DCTN6: variants seen among roughly 807,000 people sequenced by gnomAD.
DCTN6 encodes dynactin 6.
DCTN6 carries 15 observed loss-of-function variants against 25.8 expected under a neutral mutation model. The observed-to-expected ratio is 0.58, with a 90% CI of 0.39 to 0.89. The LOEUF (loss-of-function observed/expected upper bound fraction) is 0.89. Ranked by LOEUF, DCTN6 falls within the 40% of genes least tolerant of loss-of-function variation. The pLI is 0.00. For synonymous variants in DCTN6, 64 were observed against 78.3 expected, an observed-to-expected ratio of 0.82 and a Z score of 0.96; for missense variants, 198 against 237.6, an observed-to-expected ratio of 0.83 and a Z score of 1.09.
intron 2 of DCTN6, among the ~76,000 whole-genome samples, chr8:30,169,481 A>G (rs965495526): frequency 6.6e-6 from 1 of 152,192 alleles, no homozygotes; most frequent in Non-Finnish European, 1.5e-5. Context: ...CCAGTAAGGC[A>G]GTTCCAACTC....
chr8:30,174,140 A>G (rs1181609455), intron 2 of DCTN6, among the ~76,000 whole-genome samples: 1 of 152,206 alleles, frequency 6.6e-6, no homozygotes, highest in East Asian at 1.9e-4. Flanking sequence ...CTCGGACTCC[A>G]GTGATCACCT....
intron 6 of DCTN6, 47 bp downstream of exon 6, chr8:30,180,677 A>C (rs1803900974): frequency 6.2e-7 from 1 of 1,601,746 alleles, no homozygotes; most frequent in Admixed American, 1.7e-5. Context: ...TGATTTTCCC[A>C]AAATACAATG....
chr8:30,167,684 A>G (rs1018815765), intron 2 of DCTN6, among the ~76,000 whole-genome samples: 1 of 148,242 alleles, frequency 6.7e-6, no homozygotes, highest in African/African-American at 2.5e-5. Flanking sequence ...TGACATTTTA[A>G]CACAGATTTT....
At chr8:30,164,323 A>G (rs1182803488) in intron 2 of DCTN6, 148 bp downstream of exon 2, 3 of 681,516 alleles carry the variant, frequency 4.4e-6, no homozygotes, top group East Asian at 2.8e-5. Context: ...ATGTGTTTAA[A>G]TTTCTGAAAG....
intron 3 of DCTN6, 39 bp downstream of exon 3, chr8:30,175,229 G>C (rs1251606140): frequency 6.4e-7 from 1 of 1,561,626 alleles, no homozygotes; most frequent in African/African-American, 1.4e-5. Context: ...AGTACCATGG[G>C]TAACGGTTTT....
intron 2 of DCTN6, among the ~76,000 whole-genome samples, chr8:30,174,513 T>C (rs1803805380): frequency 6.6e-6 from 1 of 152,056 alleles, no homozygotes; most frequent in Admixed American, 6.6e-5. Flanking sequence ...TTTAGTATTT[T>C]TTGGTACAGA....
intron 2 of DCTN6, among the ~76,000 whole-genome samples, chr8:30,173,135 G>T (rs894564081): frequency 6.6e-6 from 1 of 152,110 alleles, no homozygotes; most frequent in African/African-American, 2.4e-5. Flanking sequence ...CAGACTGTGC[G>T]TTCTGATAAG....
At chr8:30,179,183 C>T (rs1803882433) in intron 4 of DCTN6, among the ~76,000 whole-genome samples, 1 of 152,080 alleles carries the variant, frequency 6.6e-6, no homozygotes, top group Non-Finnish European at 1.5e-5. Flanking sequence ...ATAAGGTGCT[C>T]ATTTCTTTAA....
chr8:30,162,577 A>G (rs1803611055), intron 1 of DCTN6, among the ~76,000 whole-genome samples: 1 of 152,238 alleles, frequency 6.6e-6, no homozygotes, highest in African/African-American at 2.4e-5. Flanking sequence ...AAGTTTCCTA[A>G]TAACTATCAC....
At chr8:30,178,755 C>T (rs1006507845) in intron 4 of DCTN6, among the ~76,000 whole-genome samples, 1 of 152,086 alleles carries the variant, frequency 6.6e-6, no homozygotes, top group Non-Finnish European at 1.5e-5. Context: ...AGCTCCCAGA[C>T]TCAAGCAATC....
intron 2 of DCTN6, among the ~76,000 whole-genome samples, chr8:30,168,265 A>G (rs530179284): frequency 5.9e-5 from 9 of 152,338 alleles, no homozygotes; most frequent in African/African-American, 2.2e-4. Flanking sequence ...CAACTGTATA[A>G]TATGGGAATT....
chr8:30,170,983 A>C lies in DCTN6; in HGVS notation c.89-4102A>C, dbSNP rs118165944. On this transcript the variant is annotated intron_variant, in intron 2 of 6. Transcript: ENST00000221114. Reference sequence around the variant, plus strand: ...GCTTCTGGTATCTTCTGTGAAAAAAATTTTTAAAAATTTTTAAAAAGTGTG... The same window carrying C: ...GCTTCTGGTATCTTCTGTGAAAAAACTTTTTAAAAATTTTTAAAAAGTGTG... 2.6e-5 allele frequency among the ~76,000 whole-genome samples: 4 copies of C among 152,078 alleles called. No individual in the cohort carries two copies. In the East Asian group the frequency reaches 7.7e-4, roughly 29 times the overall value.
intron 4 of DCTN6, among the ~76,000 whole-genome samples, 178 bp from the exon 5 acceptor site, chr8:30,179,230 T>C (rs1392984187): frequency 6.6e-6 from 1 of 152,222 alleles, no homozygotes; most frequent in Non-Finnish European, 1.5e-5. Flanking sequence ...GAGATACTTA[T>C]GTTTAAAGAT....
chr8:30,183,045 C>T, intron 6 of DCTN6, 30 bp from the exon 7 acceptor site: 1 of 1,602,028 alleles, frequency 6.2e-7, no homozygotes, highest in Non-Finnish European at 8.6e-7. Flanking sequence ...TGCTTTCTGC[C>T]AATCGGCCTT....
At chr8:30,160,329 T>A (rs1452851570) in intron 1 of DCTN6, among the ~76,000 whole-genome samples, 2 of 152,192 alleles carry the variant, frequency 1.3e-5, no homozygotes, top group Admixed American at 1.3e-4. Context: ...GGCTTCCCCC[T>A]TCACTGGGCA....
intron 2 of DCTN6, among the ~76,000 whole-genome samples, chr8:30,164,867 G>T (rs888302452): frequency 6.6e-6 from 1 of 152,204 alleles, no homozygotes. Flanking sequence ...TTCCAGCTGT[G>T]AGTCAGCTCC....
chr8:30,164,214 G>C (rs1373838760), intron 2 of DCTN6, 39 bp downstream of exon 2: 1 of 1,493,850 alleles, frequency 6.7e-7, no homozygotes, highest in Admixed American at 1.7e-5. Context: ...AAGAATTGAT[G>C]TGATTTAATC....
At chr8:30,176,147 C>A (rs755762125) in intron 3 of DCTN6, among the ~76,000 whole-genome samples, 16 of 152,196 alleles carry the variant, frequency 1.1e-4, no homozygotes, top group Non-Finnish European at 2.1e-4. Context: ...TCAAGTTAGG[C>A]ATGATTTTGG....
In DCTN6 at chr8:30,168,709, G is replaced by T. The variant is rs193161911; in HGVS notation, c.88+4534G>T. Among the ~76,000 whole-genome samples the T allele has an allele frequency of 5.8e-4, 88 of 152,278 alleles. 1 individual carries two copies. Among genetic ancestry groups the T allele is most frequent in the Admixed American group, 5.1e-3 (78 of 15,298 alleles). On this transcript the variant is annotated intron_variant, in intron 2 of 6. Coordinates refer to ENST00000221114, the MANE Select transcript of DCTN6 (RefSeq NM_006571.4). Reference sequence around the variant, plus strand: ...CCGATCTGTTTTCCTAGAAAAGCAGGTATTTGTTTTTTCAGAGAAACTAGC... The same window carrying T: ...CCGATCTGTTTTCCTAGAAAAGCAGTTATTTGTTTTTTCAGAGAAACTAGC...
Sources: gnomAD v4.1 joint callset for allele counts (sites outside exome capture counted in the v4.1 genomes callset) on GRCh38, gnomAD v4.1.1 for gene constraint, MANE v1.5 for transcripts, NCBI Gene and HGNC (gene_info 2026-07-23, HGNC 2026-07-21) for gene names.